TBC1D19: variants seen among roughly 807,000 people sequenced by gnomAD.
TBC1D19 encodes the protein TBC1 domain family, member 19.
Under a neutral mutation model 89.0 loss-of-function variants are expected in TBC1D19, and 60 were observed. The observed-to-expected ratio is 0.67, with a 90% CI of 0.55 to 0.84. The LOEUF is 0.84. TBC1D19 is among the 40% of genes least tolerant of loss of function. The pLI, the probability that TBC1D19 is intolerant of heterozygous loss-of-function variation, is 0.00. For synonymous variants in TBC1D19, 189 were observed against 199.7 expected (o/e 0.95, Z 0.45); for missense variants, 500 against 610.8 (o/e 0.82, Z 1.91).
chr4:26,748,873 A>T (rs376214320), intron 19 of TBC1D19, among the ~76,000 whole-genome samples: 3 of 151,222 alleles, frequency 2.0e-5, no homozygotes, highest in East Asian at 3.9e-4. Flanking sequence ...TCTACTCTGG[A>T]CTCCCCTGGC....
the TBC1D19 span, among the ~76,000 whole-genome samples, chr4:26,804,689 G>A: frequency 6.6e-6 from 1 of 152,150 alleles, no homozygotes; most frequent in Non-Finnish European, 1.5e-5. Flanking sequence ...GGAGGCGGCG[G>A]GCCCGGGTTT....
intron 13 of TBC1D19, among the ~76,000 whole-genome samples, chr4:26,715,723 T>C (rs192833616): frequency 6.6e-6 from 1 of 152,190 alleles, no homozygotes; most frequent in East Asian, 1.9e-4. Flanking sequence ...GTGACCTTGA[T>C]ATTTGAGCAA....
chr4:26,591,027 T>C (rs1387027980), intron 1 of TBC1D19, among the ~76,000 whole-genome samples: 1 of 150,410 alleles, frequency 6.6e-6, no homozygotes, highest in Non-Finnish European at 1.5e-5. Flanking sequence ...ATAGTTTCAG[T>C]ATTCTAAAAA....
the TBC1D19 span, among the ~76,000 whole-genome samples, chr4:26,844,260 A>C: frequency 6.6e-6 from 1 of 152,200 alleles, no homozygotes; most frequent in Admixed American, 6.5e-5. Context: ...AGAAAACTGC[A>C]TTTTAAATCA....
At chr4:26,705,154 TAAG>T (rs1715645975) in intron 13 of TBC1D19, among the ~76,000 whole-genome samples, 1 of 152,084 alleles carries the variant, frequency 6.6e-6, no homozygotes, top group Admixed American at 6.5e-5. Flanking sequence ...TGTTGAGTCT[TAAG>T]AGATCTGTAA....
the TBC1D19 span, among the ~76,000 whole-genome samples, chr4:26,833,222 C>T: frequency 6.0e-3 from 906 of 152,164 alleles, 8 homozygotes; most frequent in Non-Finnish European, 9.1e-3. Flanking sequence ...TCACAAGTGC[C>T]AAGCTAGAAG....
the TBC1D19 span, among the ~76,000 whole-genome samples, chr4:26,842,624 C>CTT: frequency 7.9e-6 from 1 of 126,488 alleles, no homozygotes; most frequent in African/African-American, 3.0e-5. Context: ...TTCTTTCTTT[C>CTT]TTTCTTTCTT....
At chr4:26,765,671 C>A in the TBC1D19 span, among the ~76,000 whole-genome samples, 124 of 152,188 alleles carry the variant, frequency 8.1e-4, no homozygotes, top group African/African-American at 2.9e-3. Context: ...TGGGGAGGGG[C>A]ACCTACTGCC....
At chr4:26,733,864 A>T (rs1717812614) in intron 15 of TBC1D19, among the ~76,000 whole-genome samples, 3 of 152,158 alleles carry the variant, frequency 2.0e-5, no homozygotes, top group African/African-American at 7.2e-5. Context: ...GTGTGTAGGG[A>T]GGGAAAATGA....
At chr4:26,719,940 A>G (rs538923020) in intron 14 of TBC1D19, 141 bp from the exon 15 acceptor site, 1 of 559,662 alleles carries the variant, frequency 1.8e-6, no homozygotes, top group African/African-American at 2.0e-5. Context: ...TACATTTTTA[A>G]GTTAATTTCA....
chr4:26,690,769 C>A (rs1474499227), intron 13 of TBC1D19, among the ~76,000 whole-genome samples: 9 of 152,196 alleles, frequency 5.9e-5, no homozygotes, highest in African/African-American at 1.9e-4. Context: ...CCCAAAATCT[C>A]TGATGCAGAT....
chr4:26,604,343 G>A (rs1740837840), intron 1 of TBC1D19, among the ~76,000 whole-genome samples: 1 of 150,466 alleles, frequency 6.6e-6, no homozygotes, highest in African/African-American at 2.4e-5. Flanking sequence ...TAGTAGAGAT[G>A]GGGTTTCGCT....
intron 19 of TBC1D19, among the ~76,000 whole-genome samples, chr4:26,749,922 T>G (rs1440768612): frequency 6.6e-6 from 1 of 152,192 alleles, no homozygotes; most frequent in Non-Finnish European, 1.5e-5. Flanking sequence ...TAGGAAATAA[T>G]GGTCTGCCCT....
At chr4:26,630,916 A>G (rs1742767428) in intron 4 of TBC1D19, among the ~76,000 whole-genome samples, 1 of 152,022 alleles carries the variant, frequency 6.6e-6, no homozygotes, top group Non-Finnish European at 1.5e-5. Context: ...GAGGAAACCT[A>G]AAGGATGGCC....
chr4:26,790,546 G>A, the TBC1D19 span, among the ~76,000 whole-genome samples: 2 of 149,756 alleles, frequency 1.3e-5, no homozygotes, highest in Admixed American at 1.3e-4. Context: ...TGGATGGATG[G>A]ATGCATAAAT....
At chr4:26,738,740 T>C (rs548475417) in intron 16 of TBC1D19, among the ~76,000 whole-genome samples, 2 of 152,264 alleles carry the variant, frequency 1.3e-5, no homozygotes, top group Admixed American at 6.5e-5. Context: ...AATTCTCACT[T>C]GCAATGCTAA....
At chr4:26,696,966 AAC>A (rs1257906600) in intron 13 of TBC1D19, among the ~76,000 whole-genome samples, 2 of 152,200 alleles carry the variant, frequency 1.3e-5, no homozygotes, top group African/African-American at 2.4e-5. Flanking sequence ...AGCAACAGCA[AAC>A]ACATTCAAAA....
chr4:26,716,915 G>A (rs1039040562), intron 13 of TBC1D19, among the ~76,000 whole-genome samples: 3 of 151,986 alleles, frequency 2.0e-5, no homozygotes, highest in African/African-American at 7.2e-5. Flanking sequence ...CAAAGTGCTG[G>A]GATCATAGGC....
chr4:26,624,713 T>A (rs1256485271), intron 4 of TBC1D19, among the ~76,000 whole-genome samples: 1 of 152,166 alleles, frequency 6.6e-6, no homozygotes, highest in Non-Finnish European at 1.5e-5. Flanking sequence ...ATTTTAAGGA[T>A]ATTTACTGAA....
Sources: gnomAD v4.1 joint callset for allele counts (sites outside exome capture counted in the v4.1 genomes callset) on GRCh38, gnomAD v4.1.1 for gene constraint, MANE v1.5 for transcripts, NCBI Gene and HGNC (gene_info 2026-07-23, HGNC 2026-07-21) for gene names.